Variants in RBMS1 observed in about 807,000 individuals in gnomAD.
RBMS1 encodes RNA binding motif single stranded interacting protein 1, also known as RNA-binding motif, single-stranded-interacting protein 1.
A neutral mutation model predicts 62.3 loss-of-function variants in RBMS1; 17 were observed. The observed-to-expected ratio is 0.27, with a 90% confidence interval of 0.19 to 0.41. RBMS1 has a LOEUF of 0.41. RBMS1 is among the 10% of genes least tolerant of loss of function. The pLI is 1.00. For missense variants in RBMS1, 334 were observed against 504.5 expected, an observed-to-expected ratio of 0.66 and a Z score of 3.24; for synonymous variants, 172 against 170.0, an observed-to-expected ratio of 1.01 and a Z score of -0.09.
chr2:160,367,418 G>C (rs1693467316), intron 1 of RBMS1, 27 bp from the exon 2 acceptor site: 2 of 1,613,074 alleles, frequency 1.2e-6, no homozygotes, highest in Non-Finnish European at 1.7e-6. Context: ...AGGAGCCTTA[G>C]TATGCTAGCA....
In RBMS1 at chr2:160,395,340, G is replaced by T. The variant is rs185047858; in HGVS notation, c.76-27949C>A. On this transcript the variant is annotated intron_variant, in intron 1 of 13. Transcript: ENST00000348849. Reference sequence around the variant, plus strand: ...ACTTCTGAATTTAAAATCAGATGCTGAAGGCCGGGCGCAGTGGCTCACGCC... The same window carrying T: ...ACTTCTGAATTTAAAATCAGATGCTTAAGGCCGGGCGCAGTGGCTCACGCC... Among the ~76,000 whole-genome samples, 4 of 152,124 alleles carry T rather than the reference G, an allele frequency of 2.6e-5. No individual in the cohort carries two copies. In the South Asian group the frequency reaches 8.3e-4, roughly 31 times the overall value.
intron 2 of RBMS1, among the ~76,000 whole-genome samples, chr2:160,320,778 C>G (rs774254091): frequency 3.9e-5 from 6 of 152,100 alleles, no homozygotes; most frequent in Non-Finnish European, 8.8e-5. Context: ...AACTACGAAC[C>G]AAATAAACCT....
At chr2:160,391,580 A>G (rs1295149654) in intron 1 of RBMS1, among the ~76,000 whole-genome samples, 1 of 152,214 alleles carries the variant, frequency 6.6e-6, no homozygotes, top group African/African-American at 2.4e-5. Context: ...TTTTAAAAGA[A>G]AAACATTAAT....
At chr2:160,363,923 A>G (rs1693263224) in intron 2 of RBMS1, among the ~76,000 whole-genome samples, 1 of 152,144 alleles carries the variant, frequency 6.6e-6, no homozygotes, top group Non-Finnish European at 1.5e-5. Flanking sequence ...AAAGCTAGGG[A>G]AAATAAGAGA....
intron 1 of RBMS1, among the ~76,000 whole-genome samples, chr2:160,491,955 T>C (rs1310134503): frequency 2.6e-5 from 4 of 152,266 alleles, no homozygotes; most frequent in African/African-American, 7.2e-5. Context: ...AGGCCCGGGA[T>C]TGCTAGGACA....
intron 1 of RBMS1, among the ~76,000 whole-genome samples, chr2:160,453,725 C>T (rs1313564357): frequency 5.3e-5 from 8 of 152,176 alleles, no homozygotes; most frequent in African/African-American, 1.7e-4. Flanking sequence ...TCAGGAAAAT[C>T]ACCCAAATGA....
chr2:160,464,673 G>T (rs1684614520), intron 1 of RBMS1, among the ~76,000 whole-genome samples: 1 of 152,064 alleles, frequency 6.6e-6, no homozygotes, highest in African/African-American at 2.4e-5. Context: ...TTTAAATATT[G>T]TGTAACTTTC....
At chr2:160,419,513 C>T (rs1450065193) in intron 1 of RBMS1, among the ~76,000 whole-genome samples, 1 of 152,178 alleles carries the variant, frequency 6.6e-6, no homozygotes, top group Non-Finnish European at 1.5e-5. Flanking sequence ...TATCATTTAA[C>T]ATTTAAAAGG....
intron 1 of RBMS1, among the ~76,000 whole-genome samples, chr2:160,461,347 A>C (rs1684457414): frequency 6.6e-6 from 1 of 152,234 alleles, no homozygotes; most frequent in African/African-American, 2.4e-5. Context: ...AATCAATAAT[A>C]ATTCTCTGAT....
chr2:160,397,994 C>T (rs1205309340), intron 1 of RBMS1, among the ~76,000 whole-genome samples: 2 of 152,170 alleles, frequency 1.3e-5, no homozygotes, highest in Non-Finnish European at 2.9e-5. Flanking sequence ...ACATTCTCTC[C>T]TCGGAGTGCT....
At chr2:160,398,867 T>A (rs1216472338) in intron 1 of RBMS1, among the ~76,000 whole-genome samples, 1 of 152,176 alleles carries the variant, frequency 6.6e-6, no homozygotes, top group African/African-American at 2.4e-5. Flanking sequence ...ACCAGCCAAA[T>A]CTTGTCAATT....
At chr2:160,394,016 G>A (rs998003831) in intron 1 of RBMS1, among the ~76,000 whole-genome samples, 21 of 152,112 alleles carry the variant, frequency 1.4e-4, no homozygotes, top group African/African-American at 4.3e-4. Context: ...CACTTCATCC[G>A]AAACACTAGT....
At chr2:160,309,136 G>A (rs1408047004) in intron 4 of RBMS1, among the ~76,000 whole-genome samples, 2 of 152,208 alleles carry the variant, frequency 1.3e-5, no homozygotes, top group Non-Finnish European at 2.9e-5. Context: ...CTGAGAACTG[G>A]TTTGGGACAC....
intron 3 of RBMS1, 106 bp from the exon 4 acceptor site, chr2:160,313,353 A>G: frequency 9.0e-7 from 1 of 1,110,420 alleles, no homozygotes. Context: ...GAGACATGAA[A>G]ATGTCCTGAG....
chr2:160,346,348 C>G (rs752327075), intron 2 of RBMS1, among the ~76,000 whole-genome samples: 3 of 152,104 alleles, frequency 2.0e-5, no homozygotes, highest in African/African-American at 4.8e-5. Flanking sequence ...TGCATGGGGC[C>G]CTGGGGCAGC....
chr2:160,436,839 A>C (rs1017144704), intron 1 of RBMS1, among the ~76,000 whole-genome samples: 6 of 152,176 alleles, frequency 3.9e-5, no homozygotes, highest in South Asian at 2.1e-4. Flanking sequence ...CATCTAATAA[A>C]AATAAAATTT....
intron 2 of RBMS1, among the ~76,000 whole-genome samples, chr2:160,332,120 A>G (rs1193783170): frequency 1.2e-4 from 19 of 152,096 alleles, no homozygotes; most frequent in Admixed American, 1.2e-3. Flanking sequence ...TGTTTAGTTT[A>G]CTGGTCCTTA....
chr2:160,466,869 T>C (rs1283029681), intron 1 of RBMS1, among the ~76,000 whole-genome samples: 1 of 152,244 alleles, frequency 6.6e-6, no homozygotes, highest in African/African-American at 2.4e-5. Context: ...CATATGACCT[T>C]GGGCAGTTGC....
At chr2:160,403,063 G>A (rs1381052273) in intron 1 of RBMS1, among the ~76,000 whole-genome samples, 2 of 152,168 alleles carry the variant, frequency 1.3e-5, no homozygotes, top group Admixed American at 6.5e-5. Flanking sequence ...TATGGAACAT[G>A]TAATGAGATG....
Sources: allele counts gnomAD v4.1 joint callset (sites outside exome capture counted in the v4.1 genomes callset), GRCh38; gene constraint gnomAD v4.1.1; transcripts MANE v1.5; gene names NCBI Gene and HGNC (gene_info 2026-07-23, HGNC 2026-07-21).